PTPRN2: variants seen among roughly 807,000 people sequenced by gnomAD.
PTPRN2 encodes the protein protein tyrosine phosphatase receptor type N2.
Under a neutral mutation model 118.8 loss-of-function variants are expected in PTPRN2, and 74 were observed. That is an observed-to-expected ratio of 0.62 (90% CI 0.52 to 0.76). The LOEUF (loss-of-function observed/expected upper bound fraction) is 0.76, where lower values mean the gene tolerates loss of function less well. PTPRN2 is among the 30% of genes least tolerant of loss of function. PTPRN2 has a pLI of 0.00. For missense variants in PTPRN2, 1,481 were observed against 1,394.4 expected (o/e 1.06, Z -0.99); for synonymous variants, 641 against 608.0 (o/e 1.05, Z -0.80).
At chr7:157,612,091 A>G (rs1802384309) in intron 15 of PTPRN2, among the ~76,000 whole-genome samples, 1 of 152,160 alleles carries the variant, frequency 6.6e-6, no homozygotes, top group Admixed American at 6.5e-5. Flanking sequence ...CCAGGCCCAG[A>G]GCACCTGGAG....
intron 3 of PTPRN2, among the ~76,000 whole-genome samples, chr7:158,283,073 G>A (rs533132673): frequency 3.9e-5 from 6 of 152,374 alleles, no homozygotes; most frequent in Admixed American, 1.3e-4. Context: ...GCTCTCAGGA[G>A]GAAAACACTC....
At position 157,627,470 on chromosome 7, in the gene PTPRN2, G is replaced by A. The variant is rs1297697443; in HGVS notation, c.2197-5961C>T. 6.6e-6 allele frequency among the ~76,000 whole-genome samples: 1 copy of A among 152,168 alleles called. No individual in the cohort carries two copies. Among genetic ancestry groups the A allele is most frequent in the Non-Finnish European group, 1.5e-5 (1 of 68,032 alleles). Reference sequence around the variant, plus strand: ...AGTCGATGCAGGCTGAAGTGCTTAGGGAAGTTGGAGTTGCTGTCTGTTCCC... The same window carrying A: ...AGTCGATGCAGGCTGAAGTGCTTAGAGAAGTTGGAGTTGCTGTCTGTTCCC... On this transcript the variant is annotated intron_variant, in intron 14 of 22. Transcript: ENST00000389418. The surrounding 1 kb of genome is among the most constrained non-coding windows in gnomAD (Gnocchi z 4.2).
chr7:158,152,530 G>A (rs377697085), intron 6 of PTPRN2, among the ~76,000 whole-genome samples: 1 of 152,174 alleles, frequency 6.6e-6, no homozygotes, highest in Non-Finnish European at 1.5e-5. Context: ...GGGGAGAGCT[G>A]GTCCCTTTAA....
At chr7:158,484,957 G>C (rs1278518513) in intron 2 of PTPRN2, among the ~76,000 whole-genome samples, 1 of 152,202 alleles carries the variant, frequency 6.6e-6, no homozygotes, top group Non-Finnish European at 1.5e-5. Context: ...CCCACCATCA[G>C]CGTGGCCGGC....
At chr7:158,577,050 A>G (rs1337285112) in intron 1 of PTPRN2, among the ~76,000 whole-genome samples, 23 of 115,242 alleles carry the variant, frequency 2.0e-4, no homozygotes, top group South Asian at 6.5e-4. Context: ...CATGGGGCCT[A>G]CACAACACTG....
chr7:158,453,719 A>C (rs185047834), intron 2 of PTPRN2, among the ~76,000 whole-genome samples: 1 of 145,582 alleles, frequency 6.9e-6, no homozygotes, highest in African/African-American at 2.4e-5. Context: ...AAATTAACTG[A>C]GGAAAATTGA....
At chr7:157,544,748 C>T (rs904240145) in intron 22 of PTPRN2, among the ~76,000 whole-genome samples, 2 of 152,236 alleles carry the variant, frequency 1.3e-5, no homozygotes, top group South Asian at 2.1e-4. Flanking sequence ...TCATCTACCA[C>T]AGAGGCATGG....
rs1802901085 is a variant in PTPRN2, at chr7:157,617,999, A to G, written c.2344+3363T>C. Reference sequence around the variant, plus strand: ...AATGCTGCATAATTCTTTTTTAAACATTCAAAAAACAGAAAATGCATGTTA... The same window carrying G: ...AATGCTGCATAATTCTTTTTTAAACGTTCAAAAAACAGAAAATGCATGTTA... On this transcript the variant is annotated intron_variant, in intron 15 of 22. Coordinates refer to ENST00000389418, the MANE Select transcript of PTPRN2 (RefSeq NM_002847.5). The surrounding 1 kb of genome is among the most constrained non-coding windows in gnomAD (Gnocchi z 7.5). 1 of 152,266 alleles carries G rather than the reference A, an allele frequency of 6.6e-6. No homozygotes were observed. Among genetic ancestry groups the G allele is most frequent in the African/African-American group, 2.4e-5 (1 of 41,474 alleles). 9.4% of individuals were successfully genotyped at this position (152,266 alleles called of 1,614,324 possible).
At chr7:158,164,257 A>G (rs1031441817) in intron 6 of PTPRN2, among the ~76,000 whole-genome samples, 8 of 151,402 alleles carry the variant, frequency 5.3e-5, no homozygotes, top group Admixed American at 6.6e-5. Context: ...GCGCACGCGT[A>G]GGAAGAGCAC....
At chr7:158,471,074 A>G (rs917290674) in intron 2 of PTPRN2, among the ~76,000 whole-genome samples, 1 of 152,116 alleles carries the variant, frequency 6.6e-6, no homozygotes, top group African/African-American at 2.4e-5. Context: ...TCACCATGTC[A>G]AAGGTTTTTT....
intron 12 of PTPRN2, among the ~76,000 whole-genome samples, chr7:157,878,119 A>G (rs961014416): frequency 1.3e-5 from 2 of 152,162 alleles, no homozygotes; most frequent in African/African-American, 4.8e-5. Flanking sequence ...CTGTCTAGGA[A>G]TTTATAAGTG....
rs535853239 is a variant in PTPRN2, at chr7:158,377,288, C to T, written c.164-60356G>A. 1.3e-4 allele frequency among the ~76,000 whole-genome samples: 19 copies of T among 151,966 alleles called. No individual in the cohort carries two copies. In the East Asian group the frequency reaches 1.6e-3, roughly 12 times the overall value. ...CCACAGCCCTGTCACACATCAAGCA[C>T]GCGGGGTCAGGGGATGCTCCTGTTT... On this transcript the variant is annotated intron_variant, in intron 2 of 22. Transcript: ENST00000389418.
chr7:157,945,467 C>T (rs1016058102), intron 11 of PTPRN2, among the ~76,000 whole-genome samples: 3 of 152,154 alleles, frequency 2.0e-5, no homozygotes, highest in African/African-American at 7.2e-5. Context: ...TTTCTCCAAC[C>T]CATTCACTCT....
At chr7:158,441,439 G>GT (rs1350702004) in intron 2 of PTPRN2, among the ~76,000 whole-genome samples, 11 of 147,710 alleles carry the variant, frequency 7.4e-5, no homozygotes, top group South Asian at 6.5e-4. Flanking sequence ...GATGGTGATG[G>GT]CAGTGGTGGC....
chr7:158,476,893 T>C lies in PTPRN2; in HGVS notation c.163+12842A>G, dbSNP rs114947473. 9.3e-3 allele frequency among the ~76,000 whole-genome samples: 1,418 copies of C among 152,342 alleles called. 25 individuals carry two copies. The highest frequency in any genetic ancestry group is 0.03 in the African/African-American group (1,259 of 41,582). ...TTCAGAGCCATTGGGTGGGGTCACA[T>C]GCATACATCTGAGCTCACATGTGTG... On this transcript the variant is annotated intron_variant, in intron 2 of 22. Transcript: ENST00000389418.
At chr7:158,314,623 C>T (rs1489264663) in intron 3 of PTPRN2, among the ~76,000 whole-genome samples, 1 of 152,248 alleles carries the variant, frequency 6.6e-6, no homozygotes, top group East Asian at 1.9e-4. Context: ...TCCAGTGTGG[C>T]CTGGAGTGTG....
chr7:157,762,604 G>T (rs1354413804), intron 12 of PTPRN2, among the ~76,000 whole-genome samples: 6 of 114,530 alleles, frequency 5.2e-5, no homozygotes, highest in African/African-American at 2.0e-4. Flanking sequence ...TGGGGTGGGG[G>T]GAGGGGGGAG....
chr7:157,840,706 C>T (rs1808358953), intron 12 of PTPRN2, among the ~76,000 whole-genome samples: 1 of 152,228 alleles, frequency 6.6e-6, no homozygotes, highest in African/African-American at 2.4e-5. Flanking sequence ...TCACTCACAG[C>T]CGCCACCAGG....
chr7:158,337,745 T>C (rs1410809658), intron 2 of PTPRN2, among the ~76,000 whole-genome samples: 1 of 140,164 alleles, frequency 7.1e-6, no homozygotes, highest in Non-Finnish European at 1.5e-5. Context: ...AACCACACTC[T>C]CACCATAAGA....
Sources: gnomAD v4.1 joint callset for allele counts (sites outside exome capture counted in the v4.1 genomes callset) on GRCh38, gnomAD v4.1.1 for gene constraint, Gnocchi (gnomAD v3.1) non-coding constraint, MANE v1.5 for transcripts, NCBI Gene and HGNC (gene_info 2026-07-23, HGNC 2026-07-21) for gene names.